Variants in BBS9 observed in about 807,000 individuals in gnomAD.
The protein encoded by BBS9 is protein PTHB1.
Under a neutral mutation model 117.7 loss-of-function variants are expected in BBS9, and 89 were observed. That is an observed-to-expected ratio of 0.76 (90% CI 0.64 to 0.90). The LOEUF is 0.90. Among genes scored for constraint, BBS9 ranks in the 40% least tolerant of loss-of-function variants. The pLI is 0.00. For synonymous variants in BBS9, 379 were observed against 370.9 expected, an observed-to-expected ratio of 1.02 and a Z score of -0.25; for missense variants, 982 against 1,042.2, an observed-to-expected ratio of 0.94 and a Z score of 0.80.
intron 19 of BBS9, among the ~76,000 whole-genome samples, chr7:33,450,179 C>T (rs111291537): frequency 6.6e-6 from 1 of 152,148 alleles, no homozygotes; most frequent in African/African-American, 2.4e-5. Context: ...CCTCAGTATT[C>T]GTCTATGCTG....
chr7:33,186,072 A>G (rs1245817622), intron 5 of BBS9, among the ~76,000 whole-genome samples: 1 of 152,260 alleles, frequency 6.6e-6, no homozygotes, highest in African/African-American at 2.4e-5. Flanking sequence ...AGTTAATTAT[A>G]ACAGATAACA....
chr7:33,587,894 C>A (rs1003560797), intron 21 of BBS9, among the ~76,000 whole-genome samples: 2 of 151,966 alleles, frequency 1.3e-5, no homozygotes, highest in African/African-American at 4.8e-5. Context: ...TTTAAAAACA[C>A]GTTTAGATTT....
chr7:33,567,910 A>G (rs938092781), intron 21 of BBS9, among the ~76,000 whole-genome samples: 1 of 152,148 alleles, frequency 6.6e-6, no homozygotes, highest in African/African-American at 2.4e-5. Context: ...GCCCTGAACC[A>G]TATCTCTCTG....
At chr7:33,372,459 A>G (rs572071359) in intron 17 of BBS9, among the ~76,000 whole-genome samples, 7 of 151,888 alleles carry the variant, frequency 4.6e-5, no homozygotes, top group Non-Finnish European at 8.8e-5. Context: ...ATGCTTATTG[A>G]TTTGCTTATG....
chr7:33,272,044 G>A (rs908445662), intron 7 of BBS9, among the ~76,000 whole-genome samples: 8 of 152,112 alleles, frequency 5.3e-5, no homozygotes, highest in Non-Finnish European at 8.8e-5. Flanking sequence ...TATACACCAT[G>A]GAATACTATG....
At chr7:33,477,479 A>G (rs1379632391) in intron 19 of BBS9, among the ~76,000 whole-genome samples, 1 of 152,214 alleles carries the variant, frequency 6.6e-6, no homozygotes. Flanking sequence ...TAACACAGAG[A>G]TGCATACCTT....
At chr7:33,583,031 G>A (rs1860258861) in intron 21 of BBS9, among the ~76,000 whole-genome samples, 1 of 152,022 alleles carries the variant, frequency 6.6e-6, no homozygotes, top group Admixed American at 6.6e-5. Context: ...CATTTTGCTG[G>A]TATCTACAAT....
Position 33,148,051 on chromosome 7 carries a change from C to T in BBS9, c.112+1687C>T, listed in dbSNP as rs1792694703. On this transcript the variant is annotated intron_variant, in intron 2 of 22. Transcript: ENST00000242067. ...AGGTGGGGTGATGTGACTTAGGTTTCCTAATTTTTGATAAGTTCCAAAATT... is the reference window on the plus strand; with the variant it reads ...AGGTGGGGTGATGTGACTTAGGTTTTCTAATTTTTGATAAGTTCCAAAATT... Among the ~76,000 whole-genome samples the T allele has an allele frequency of 2.0e-5, 3 of 152,118 alleles. No individual in the cohort carries two copies. In the South Asian group the frequency reaches 6.2e-4, roughly 32 times the overall value.
At chr7:33,345,284 G>T (rs1817384190) in intron 12 of BBS9, among the ~76,000 whole-genome samples, 1 of 152,178 alleles carries the variant, frequency 6.6e-6, no homozygotes, top group South Asian at 2.1e-4. Flanking sequence ...CCTTCTTAAA[G>T]CATTTAGATT....
At chr7:33,197,224 G>C (rs923686764) in intron 5 of BBS9, among the ~76,000 whole-genome samples, 3 of 152,210 alleles carry the variant, frequency 2.0e-5, no homozygotes, top group African/African-American at 7.2e-5. Context: ...GTCTTGATAG[G>C]ATTTGACAAC....
intron 9 of BBS9, among the ~76,000 whole-genome samples, chr7:33,315,430 A>G (rs1474375827): frequency 6.6e-6 from 1 of 152,152 alleles, no homozygotes; most frequent in African/African-American, 2.4e-5. Flanking sequence ...GAATGATCTC[A>G]TCATTCTCTT....
At chr7:33,419,922 G>A (rs770724255) in intron 19 of BBS9, among the ~76,000 whole-genome samples, 1 of 152,104 alleles carries the variant, frequency 6.6e-6, no homozygotes, top group Non-Finnish European at 1.5e-5. Flanking sequence ...ATTGGTGGTG[G>A]TGGGGGCAGA....
At chr7:33,597,872 CAAA>C (rs61054119) in intron 21 of BBS9, among the ~76,000 whole-genome samples, 1 of 119,392 alleles carries the variant, frequency 8.4e-6, no homozygotes, top group African/African-American at 3.1e-5. Context: ...GCATGTATAC[CAAA>C]AAAAAAAAAA....
At chr7:33,543,310 T>C (rs1388541838) in intron 21 of BBS9, among the ~76,000 whole-genome samples, 1 of 45,098 alleles carries the variant, frequency 2.2e-5, no homozygotes, top group Non-Finnish European at 4.1e-5. Context: ...GATGGGATTG[T>C]TTTTTTTTTC....
At chr7:33,350,894 A>T (rs944205842) in intron 13 of BBS9, among the ~76,000 whole-genome samples, 3 of 152,102 alleles carry the variant, frequency 2.0e-5, no homozygotes, top group Admixed American at 1.3e-4. Context: ...TGGTTTTCTC[A>T]TGTTGGCTAG....
chr7:33,313,706 C>T (rs961225584), intron 9 of BBS9, among the ~76,000 whole-genome samples: 1 of 152,150 alleles, frequency 6.6e-6, no homozygotes, highest in Non-Finnish European at 1.5e-5. Flanking sequence ...GGCCTTGGCT[C>T]CTCCATTTTA....
chr7:33,517,734 A>G (rs1391212377), intron 20 of BBS9, among the ~76,000 whole-genome samples: 5 of 152,176 alleles, frequency 3.3e-5, no homozygotes, highest in Admixed American at 3.3e-4. Flanking sequence ...TCTAGAAAAT[A>G]ACAGAGGCAA....
chr7:33,332,026 G>A (rs1019173852), intron 9 of BBS9, among the ~76,000 whole-genome samples: 3 of 151,992 alleles, frequency 2.0e-5, no homozygotes, highest in African/African-American at 4.8e-5. Context: ...CAAATCTAGA[G>A]GCATCACATT....
chr7:33,576,354 G>A (rs187500139), intron 21 of BBS9, among the ~76,000 whole-genome samples: 3 of 152,248 alleles, frequency 2.0e-5, no homozygotes, highest in African/African-American at 7.2e-5. Flanking sequence ...TACAAGAGAT[G>A]TGAAGGACCT....
Sources: gnomAD v4.1 joint callset for allele counts (sites outside exome capture counted in the v4.1 genomes callset) on GRCh38, gnomAD v4.1.1 for gene constraint, MANE v1.5 for transcripts, NCBI Gene and HGNC (gene_info 2026-07-23, HGNC 2026-07-21) for gene names.